Variants in TSGA10 observed in about 807,000 individuals in gnomAD.
The protein encoded by TSGA10 is testis-specific gene 10 protein.
Under a neutral mutation model 96.6 loss-of-function variants are expected in TSGA10, and 43 were observed. The observed-to-expected ratio is 0.44, with a 90% CI of 0.35 to 0.57. The LOEUF is 0.57. Among genes scored for constraint, TSGA10 ranks in the 20% least tolerant of loss-of-function variants. TSGA10 has a pLI of 0.01. For synonymous variants in TSGA10, 229 were observed against 269.9 expected, an observed-to-expected ratio of 0.85 and a Z score of 1.48; for missense variants, 703 against 834.4, an observed-to-expected ratio of 0.84 and a Z score of 1.94.
chr2:99,032,634 G>C lies in TSGA10; in HGVS notation c.1614+2596C>G, dbSNP rs771493949. Among the ~76,000 whole-genome samples the C allele has an allele frequency of 6.6e-5, 10 of 152,330 alleles. No homozygotes were observed. In the Middle Eastern group the frequency reaches 0.01, roughly 155 times the overall value. ...TTCATCAAATGTGTCTCCACTGAGA[G>C]CATCATTCTTAGTGGCTAAACACAT... On this transcript the variant is annotated intron_variant, in intron 17 of 20. Coordinates refer to ENST00000393483, the MANE Select transcript of TSGA10 (RefSeq NM_025244.4).
intron 9 of TSGA10, among the ~76,000 whole-genome samples, chr2:99,104,930 A>C (rs1241343598): frequency 1.3e-5 from 2 of 152,222 alleles, no homozygotes; most frequent in African/African-American, 4.8e-5. Context: ...TCTGATTAGG[A>C]AAAAGGTGAT....
chr2:98,998,643 C>A (rs139480935), intron 20 of TSGA10, among the ~76,000 whole-genome samples: 104 of 152,256 alleles, frequency 6.8e-4, no homozygotes, highest in African/African-American at 2.5e-3. Context: ...GCTGATGGAA[C>A]AACTTCACAT....
Position 99,069,833 on chromosome 2 carries a change from G to A in TSGA10, c.1108-835C>T, listed in dbSNP as rs1013481746. On this transcript the variant is annotated intron_variant, in intron 14 of 20. Coordinates refer to ENST00000393483, the MANE Select transcript of TSGA10 (RefSeq NM_025244.4). Reference sequence around the variant, plus strand: ...TACATAGTGGCATAACCACATAATGGAATATTACATACCTGTGAGAAATGT... The same window carrying A: ...TACATAGTGGCATAACCACATAATGAAATATTACATACCTGTGAGAAATGT... Among the ~76,000 whole-genome samples, 6 of 151,868 alleles carry A rather than the reference G, an allele frequency of 4.0e-5. 1 individual carries two copies. Among genetic ancestry groups the A allele is most frequent in the South Asian group, 2.1e-4 (1 of 4,808 alleles).
intron 4 of TSGA10, 68 bp downstream of exon 4, chr2:99,117,476 C>T: frequency 1.4e-6 from 1 of 730,726 alleles, no homozygotes; most frequent in Non-Finnish European, 1.7e-6. Context: ...CTACTTTTTC[C>T]ATTGCATTTA....
intron 16 of TSGA10, among the ~76,000 whole-genome samples, chr2:99,054,954 G>A (rs1200387724): frequency 6.6e-6 from 1 of 152,124 alleles, no homozygotes; most frequent in African/African-American, 2.4e-5. Flanking sequence ...GTATAAAAGT[G>A]TCTTTAAAAA....
chr2:99,038,627 A>G (rs967977240), intron 16 of TSGA10, among the ~76,000 whole-genome samples: 1 of 152,228 alleles, frequency 6.6e-6, no homozygotes. Flanking sequence ...ATATTTATGC[A>G]TCTAACATTG....
In TSGA10 at chr2:99,071,934, T is replaced by C. The variant is rs527692087; in HGVS notation, c.939-60A>G. 767 of 1,448,482 alleles carry C rather than the reference T, an allele frequency of 5.3e-4. 4 individuals are homozygous for C. In the African/African-American group the frequency reaches 1.0e-2, roughly 19 times the overall value. 89.7% of individuals were successfully genotyped at this position (1,448,482 alleles called of 1,614,324 possible). On this transcript the variant is annotated intron_variant, in intron 13 of 20. Transcript: ENST00000393483. ...CATTTTACTGAAACAGAGCAACAAA[T>C]TCTCACAAGACAGAAGATGGACAGT...
chr2:99,017,119 A>G (rs1164038797), intron 20 of TSGA10, among the ~76,000 whole-genome samples: 1 of 152,252 alleles, frequency 6.6e-6, no homozygotes, highest in East Asian at 1.9e-4. Flanking sequence ...AACTAAAAGT[A>G]TAACTACCAT....
At chr2:99,103,409 C>CA (rs2090993690) in intron 10 of TSGA10, among the ~76,000 whole-genome samples, 1 of 152,208 alleles carries the variant, frequency 6.6e-6, no homozygotes, top group African/African-American at 2.4e-5. Flanking sequence ...TTCAAAAACT[C>CA]ATTCTCCCAA....
At chr2:99,140,006 A>G (rs939723933) in intron 1 of TSGA10, among the ~76,000 whole-genome samples, 1 of 152,184 alleles carries the variant, frequency 6.6e-6, no homozygotes, top group African/African-American at 2.4e-5. Context: ...ACTCAAAAAG[A>G]AGACAGAAAA....
rs73963389 is a variant in TSGA10, at chr2:99,110,389, A to G, written c.-74+461T>C. Among the ~76,000 whole-genome samples, 507 of 152,346 alleles carry G rather than the reference A, an allele frequency of 3.3e-3. 1 individual carries two copies. Among genetic ancestry groups the G allele is most frequent in the African/African-American group, 0.011 (478 of 41,590 alleles). On this transcript the variant is annotated intron_variant, in intron 5 of 20. Coordinates refer to ENST00000393483, the MANE Select transcript of TSGA10 (RefSeq NM_025244.4). The stretch of plus-strand genomic sequence containing the variant: ...AAATTATAGATATACTTTCAGATAG[A>G]GGGTTTTAAATATTTTAAATAACAC...
chr2:99,069,133 A>C, intron 14 of TSGA10, 135 bp from the exon 15 acceptor site: 2 of 426,046 alleles, frequency 4.7e-6, no homozygotes, highest in Non-Finnish European at 8.4e-6. Flanking sequence ...ATATAAAAAA[A>C]GAAAACACAT....
chr2:99,117,736 A>G lies in TSGA10; in HGVS notation c.-332T>C. On this transcript the variant is annotated 5_prime_UTR_variant, in exon 4 of 21. Coordinates refer to ENST00000393483, the MANE Select transcript of TSGA10 (RefSeq NM_025244.4). ...TCCTAACATATTCTTCCAAGCCATG[A>G]TTTGTCTGTTTGAGATCTTCAATCT... The G allele has an allele frequency of 1.0e-6, 1 of 985,688 alleles. No individual in the cohort carries two copies. Among genetic ancestry groups the G allele is most frequent in the Non-Finnish European group, 1.2e-6 (1 of 829,880 alleles). The allele number at this position is 985,688 out of a possible 1,614,324, so 61.1% of individuals were successfully genotyped here.
rs546253587 is a variant in TSGA10, at chr2:99,145,832, T to C, written c.-621+8861A>G. On this transcript the variant is annotated intron_variant, in intron 1 of 20. Coordinates refer to ENST00000393483, the MANE Select transcript of TSGA10 (RefSeq NM_025244.4). The stretch of plus-strand genomic sequence containing the variant: ...GAGCAGAGGACTGCTGTGATCTGGG[T>C]TTTGTTATAAAAGGTTCAAACCAGT... 3.3e-5 allele frequency among the ~76,000 whole-genome samples: 5 copies of C among 152,214 alleles called. No homozygotes were observed. In the East Asian group the frequency reaches 9.7e-4, roughly 29 times the overall value.
At chr2:99,038,689 T>C (rs2081901213) in intron 16 of TSGA10, among the ~76,000 whole-genome samples, 2 of 152,120 alleles carry the variant, frequency 1.3e-5, no homozygotes, top group African/African-American at 2.4e-5. Flanking sequence ...ATGAGATAGA[T>C]GGCAACACAA....
At chr2:99,152,578 C>T (rs537445783) in intron 1 of TSGA10, among the ~76,000 whole-genome samples, 3 of 152,240 alleles carry the variant, frequency 2.0e-5, no homozygotes, top group South Asian at 4.1e-4. Flanking sequence ...GAAAGCGTAT[C>T]TCAGGACATT....
rs542767784 is a variant in TSGA10, at chr2:99,008,071, A to G, written c.2073-9850T>C. 5.3e-5 allele frequency among the ~76,000 whole-genome samples: 8 copies of G among 152,336 alleles called. 1 individual carries two copies. In the South Asian group the frequency reaches 1.2e-3, roughly 24 times the overall value. On this transcript the variant is annotated intron_variant, in intron 20 of 20. Coordinates refer to ENST00000393483, the MANE Select transcript of TSGA10 (RefSeq NM_025244.4). ...ATAAAATAAACTCCAAATGAATCAGATATCTAAATGCAAAAAGTAAAAATA... is the reference window on the plus strand; with the variant it reads ...ATAAAATAAACTCCAAATGAATCAGGTATCTAAATGCAAAAAGTAAAAATA...
intron 2 of TSGA10, among the ~76,000 whole-genome samples, chr2:99,123,942 G>C (rs1392363355): frequency 2.6e-5 from 4 of 152,164 alleles, no homozygotes; most frequent in Non-Finnish European, 5.9e-5. Context: ...ATGAGCATTT[G>C]TATATACGTA....
chr2:99,069,938 C>T (rs1056812014), intron 14 of TSGA10, among the ~76,000 whole-genome samples: 6 of 151,788 alleles, frequency 4.0e-5, no homozygotes, highest in Non-Finnish European at 1.5e-5. Context: ...ACAAAAATAC[C>T]TCATTATCCC....
Sources: allele counts gnomAD v4.1 joint callset (sites outside exome capture counted in the v4.1 genomes callset), GRCh38; gene constraint gnomAD v4.1.1; transcripts MANE v1.5; gene names NCBI Gene and HGNC (gene_info 2026-07-23, HGNC 2026-07-21).